Variants in OXNAD1 observed in about 807,000 individuals in gnomAD.
OXNAD1 encodes the protein oxidoreductase NAD-binding domain-containing protein 1.
A neutral mutation model predicts 32.9 loss-of-function variants in OXNAD1; 34 were observed. The observed-to-expected ratio is 1.03, with a 90% confidence interval of 0.79 to 1.38. The LOEUF (loss-of-function observed/expected upper bound fraction) is 1.38, where lower values mean the gene tolerates loss of function less well. Ranked by LOEUF, OXNAD1 falls within the 40% of genes most tolerant of loss-of-function variation. OXNAD1 has a pLI of 0.00. For missense variants in OXNAD1, 407 were observed against 379.4 expected (o/e 1.07, Z -0.60); for synonymous variants, 134 against 135.2 (o/e 0.99, Z 0.06).
rs1380730868 is a variant in OXNAD1, at chr3:16,334,690, A to G, written c.*31-2422A>G. On this transcript the variant is annotated intron_variant, in intron 9 of 9. Coordinates refer to the OXNAD1 transcript ENST00000435829. This position sits in a 1 kb window ranked among gnomAD's most constrained non-coding sequence, Gnocchi z 4.3. The stretch of plus-strand genomic sequence containing the variant: ...ATGGAAATGTCCAGGAGGCAACTAA[A>G]TGAAACAGCCTGTGGTAGACAGAAT... Among the ~76,000 whole-genome samples the G allele has an allele frequency of 6.6e-6, 1 of 152,216 alleles. No individual in the cohort carries two copies. The highest frequency in any genetic ancestry group is 1.5e-5 in the Non-Finnish European group (1 of 68,032).
intron 4 of OXNAD1, among the ~76,000 whole-genome samples, chr3:16,274,443 TTATG>T: frequency 6.6e-6 from 1 of 152,308 alleles, no homozygotes; most frequent in South Asian, 2.1e-4. Flanking sequence ...GTATTTTCCT[TTATG>T]TAACAGATAC....
intron 4 of OXNAD1, among the ~76,000 whole-genome samples, chr3:16,276,892 C>G (rs966832658): frequency 6.6e-6 from 1 of 150,638 alleles, no homozygotes; most frequent in Non-Finnish European, 1.5e-5. Flanking sequence ...TTAGTTGCAT[C>G]TCTTCTCCTC....
chr3:16,318,191 C>T (rs1014495785), intron 9 of OXNAD1, among the ~76,000 whole-genome samples: 3 of 151,958 alleles, frequency 2.0e-5, no homozygotes, highest in Non-Finnish European at 2.9e-5. Flanking sequence ...CGTCACTGAC[C>T]GGCCAAGTTT....
chr3:16,288,837 A>T lies in OXNAD1; in HGVS notation c.290+2389A>T, dbSNP rs961745012. Reference sequence around the variant, plus strand: ...GCTTGGCACTCACTCTTGGGTCTGGAGCATGCCACCACTGGTCCTCACACA... The same window carrying T: ...GCTTGGCACTCACTCTTGGGTCTGGTGCATGCCACCACTGGTCCTCACACA... On this transcript the variant is annotated intron_variant, in intron 5 of 8. Transcript: ENST00000285083. This position sits in a 1 kb window ranked among gnomAD's most constrained non-coding sequence, Gnocchi z 5.1. Among the ~76,000 whole-genome samples, 1 of 152,122 alleles carries T rather than the reference A, an allele frequency of 6.6e-6. No individual in the cohort carries two copies. Among genetic ancestry groups the T allele is most frequent in the Non-Finnish European group, 1.5e-5 (1 of 68,018 alleles).
At position 16,327,462 on chromosome 3, in the gene OXNAD1, T is replaced by G. The variant is rs916767575; in HGVS notation, c.*31-9650T>G. 2.0e-5 allele frequency among the ~76,000 whole-genome samples: 3 copies of G among 152,084 alleles called. No individual in the cohort carries two copies. Among genetic ancestry groups the G allele is most frequent in the Admixed American group, 1.3e-4 (2 of 15,278 alleles). ...GGGGAACTAACATTTGTCTTTCAGT[T>G]AAAAAACTCAGCCCCGGCCGGGTGC... On this transcript the variant is annotated intron_variant, in intron 9 of 9. Transcript: ENST00000435829. This position sits in a 1 kb window ranked among gnomAD's most constrained non-coding sequence, Gnocchi z 4.2.
At position 16,304,580 on chromosome 3, in the gene OXNAD1, G is replaced by C. The variant is rs966754620; in HGVS notation, c.*1018G>C. ...CAAAGCTGCTCTGATGAAACTGCTA[G>C]AAAGCAGATTGTAGTTCTTTGTTTA... On this transcript the variant is annotated 3_prime_UTR_variant, in exon 9 of 9. Transcript: ENST00000285083. This position sits in a 1 kb window ranked among gnomAD's most constrained non-coding sequence, Gnocchi z 4.6. The C allele has an allele frequency of 2.6e-5, 4 of 152,230 alleles. No homozygotes were observed. The highest frequency in any genetic ancestry group is 9.6e-5 in the African/African-American group (4 of 41,464). 9.4% of individuals were successfully genotyped at this position (152,230 alleles called of 1,614,324 possible). A position where few individuals can be genotyped will look rare whatever the true frequency, so the allele number is the denominator to read the frequency against.
At position 16,289,984 on chromosome 3, in the gene OXNAD1, GCT is replaced by G. The variant is rs1028354985; in HGVS notation, c.290+3541_290+3542del. Among the ~76,000 whole-genome samples, 1 of 152,212 alleles carries G rather than the reference GCT, an allele frequency of 6.6e-6. No homozygotes were observed. Among genetic ancestry groups the G allele is most frequent in the Non-Finnish European group, 1.5e-5 (1 of 68,040 alleles). ...CAGTGCCTGTATATGGTAGGCAGGT[GCT>G]CTCTTAGATGTTTGCATTAAGTGAA... is the stretch of plus-strand genomic sequence containing the variant. On this transcript the variant is annotated intron_variant, in intron 5 of 8. Transcript: ENST00000285083. This position sits in a 1 kb window ranked among gnomAD's most constrained non-coding sequence, Gnocchi z 4.9.
At chr3:16,267,305 CCCACAGCAACTTGA>C (rs950146732) in intron 1 of OXNAD1, among the ~76,000 whole-genome samples, 1 of 152,190 alleles carries the variant, frequency 6.6e-6, no homozygotes, top group African/African-American at 2.4e-5. Context: ...TGTTATCCTT[CCCACAGCAACTTGA>C]GCAGTCCTTT....
At chr3:16,274,919 A>G (rs2065213311) in intron 4 of OXNAD1, 1 of 152,254 alleles carries the variant, frequency 6.6e-6, no homozygotes. Context: ...TAAGAACAGG[A>G]TACAGTTGAT....
rs1164223736 is a variant in OXNAD1 at position 16,299,878 on chromosome 3, T to C, written c.433-1748T>C. On this transcript the variant is annotated intron_variant, in intron 6 of 8. Coordinates refer to ENST00000285083, the MANE Select transcript of OXNAD1 (RefSeq NM_138381.5). This position sits in a 1 kb window ranked among gnomAD's most constrained non-coding sequence, Gnocchi z 4.4. ...GCTGGTATTGCCAGCACTTTTTCTT[T>C]TGTGACAGCTGCAATGACCAAAATT... 4.6e-5 allele frequency among the ~76,000 whole-genome samples: 7 copies of C among 152,224 alleles called. No homozygotes were observed.
Position 16,304,411 on chromosome 3 carries a change from A to T in OXNAD1, c.*849A>T, listed in dbSNP as rs1037397108. Reference sequence around the variant, plus strand: ...CTACTTTTTATTTCACTCATTTGCCAGAATTGTTCTTGGCACCAGCAGCTC... The same window carrying T: ...CTACTTTTTATTTCACTCATTTGCCTGAATTGTTCTTGGCACCAGCAGCTC... On this transcript the variant is annotated 3_prime_UTR_variant, in exon 9 of 9. Transcript: ENST00000285083. This position sits in a 1 kb window ranked among gnomAD's most constrained non-coding sequence, Gnocchi z 4.6. 1 of 152,218 alleles carries T rather than the reference A, an allele frequency of 6.6e-6. No homozygotes were observed. The highest frequency in any genetic ancestry group is 2.4e-5 in the African/African-American group (1 of 41,454). The allele number at this position is 152,218 out of a possible 1,614,324, so 9.4% of individuals were successfully genotyped here.
intron 9 of OXNAD1, among the ~76,000 whole-genome samples, chr3:16,343,014 T>C (rs1024368873): frequency 7.2e-5 from 11 of 152,178 alleles, no homozygotes; most frequent in African/African-American, 2.7e-4. Context: ...CTAATTTTTA[T>C]TTTTTTAATG....
At chr3:16,349,491 A>C (rs1429799750) in exon 10 of OXNAD1, 1 of 152,270 alleles carries the variant, frequency 6.6e-6, no homozygotes, top group African/African-American at 2.4e-5. Flanking sequence ...GTATACACAC[A>C]TGCACCTCAG....
chr3:16,326,535 G>A (rs958866123), intron 9 of OXNAD1, among the ~76,000 whole-genome samples: 1 of 152,136 alleles, frequency 6.6e-6, no homozygotes, highest in African/African-American at 2.4e-5. Flanking sequence ...TTGACATTCT[G>A]GGCAGTAATG....
intron 9 of OXNAD1, chr3:16,347,839 A>G (rs1289083512): frequency 6.6e-6 from 1 of 152,234 alleles, no homozygotes; most frequent in Non-Finnish European, 1.5e-5. Context: ...TTTTTTACAC[A>G]TGCTCTTAGG....
In OXNAD1 at chr3:16,336,192, G is replaced by A. The variant is rs1429804169; in HGVS notation, c.*31-920G>A. Among the ~76,000 whole-genome samples, 1 of 152,218 alleles carries A rather than the reference G, an allele frequency of 6.6e-6. No homozygotes were observed. Among genetic ancestry groups the A allele is most frequent in the East Asian group, 1.9e-4 (1 of 5,206 alleles). Reference sequence around the variant, plus strand: ...CGGGCAGTGTTGCAGAAAACTCCACGTGGCCCTCAGGATGCTAAAGGGCAG... The same window carrying A: ...CGGGCAGTGTTGCAGAAAACTCCACATGGCCCTCAGGATGCTAAAGGGCAG... On this transcript the variant is annotated intron_variant, in intron 9 of 9. Transcript: ENST00000435829. The surrounding 1 kb of genome is among the most constrained non-coding windows in gnomAD (Gnocchi z 6.0).
In OXNAD1 at chr3:16,312,129, T is replaced by C. The variant is rs1559786577; in HGVS notation, c.*30+8537T>C. 6.6e-6 allele frequency among the ~76,000 whole-genome samples: 1 copy of C among 152,174 alleles called. No homozygotes were observed. Among genetic ancestry groups the C allele is most frequent in the Admixed American group, 6.5e-5 (1 of 15,284 alleles). ...TTAGTCTAGCCACTGAAACGATTGT[T>C]ATCAACAGGAACCTGTGGTGAACAT... On this transcript the variant is annotated intron_variant, in intron 9 of 9. Transcript: ENST00000435829. This position sits in a 1 kb window ranked among gnomAD's most constrained non-coding sequence, Gnocchi z 4.7.
In OXNAD1 at chr3:16,322,237, C is replaced by T. The variant is rs1165771639; in HGVS notation, c.*31-14875C>T. ...CATTGTGCCGTCACCTGTCACATTA[C>T]ACCTTCAGAGCCTGGAGAAAGACCT... On this transcript the variant is annotated intron_variant, in intron 9 of 9. Coordinates refer to the OXNAD1 transcript ENST00000435829. This position sits in a 1 kb window ranked among gnomAD's most constrained non-coding sequence, Gnocchi z 6.2. 2.0e-5 allele frequency among the ~76,000 whole-genome samples: 3 copies of T among 152,224 alleles called. No individual in the cohort carries two copies. The highest frequency in any genetic ancestry group is 4.8e-5 in the African/African-American group (2 of 41,462).
chr3:16,269,747 A>C (rs1033394900), intron 2 of OXNAD1, among the ~76,000 whole-genome samples: 2 of 152,222 alleles, frequency 1.3e-5, no homozygotes, highest in Admixed American at 6.5e-5. Context: ...AGGAATGTAA[A>C]CACTTAGCTT....
Sources: allele counts gnomAD v4.1 joint callset (sites outside exome capture counted in the v4.1 genomes callset), GRCh38; gene constraint gnomAD v4.1.1; non-coding constraint Gnocchi (gnomAD v3.1); transcripts MANE v1.5; gene names NCBI Gene and HGNC (gene_info 2026-07-23, HGNC 2026-07-21).